ST6GALNAC3: variants seen among roughly 807,000 people sequenced by gnomAD.
ST6GALNAC3 encodes the protein ST6 N-acetylgalactosaminide alpha-2,6-sialyltransferase 3.
ST6GALNAC3 carries 25 observed loss-of-function variants against 32.7 expected under a neutral mutation model. That is an observed-to-expected ratio of 0.76 (90% CI 0.56 to 1.07). The LOEUF (loss-of-function observed/expected upper bound fraction) is 1.07, where lower values mean the gene tolerates loss of function less well. ST6GALNAC3 is among the 50% of genes least tolerant of loss of function. The pLI, the probability that ST6GALNAC3 is intolerant of heterozygous loss-of-function variation, is 0.00. For synonymous variants in ST6GALNAC3, 129 were observed against 133.1 expected (o/e 0.97, Z 0.21); for missense variants, 355 against 382.4 (o/e 0.93, Z 0.60).
At position 76,296,287 on chromosome 1, in the gene ST6GALNAC3, A is replaced by G. The variant is rs141393287; in HGVS notation, c.19-17518A>G. On this transcript the variant is annotated intron_variant, in intron 1 of 4. Transcript: ENST00000328299. Reference sequence around the variant, plus strand: ...CTTGGGAAGTGTGTGTGTCTGTGTGAAAATACATTTTTGTGCAATGAAATG... The same window carrying G: ...CTTGGGAAGTGTGTGTGTCTGTGTGGAAATACATTTTTGTGCAATGAAATG... Among the ~76,000 whole-genome samples, 508 of 152,232 alleles carry G rather than the reference A, an allele frequency of 3.3e-3. 6 individuals carry two copies. The South Asian group carries it at 0.049, about 15-fold the overall frequency.
chr1:76,151,070 C>G (rs570562970), intron 1 of ST6GALNAC3, among the ~76,000 whole-genome samples: 1 of 152,292 alleles, frequency 6.6e-6, no homozygotes, highest in East Asian at 1.9e-4. Context: ...GGCCCCTTTC[C>G]AAGAGTGAAG....
intron 1 of ST6GALNAC3, among the ~76,000 whole-genome samples, chr1:76,164,330 A>G (rs1570268686): frequency 6.6e-6 from 1 of 152,202 alleles, no homozygotes; most frequent in East Asian, 1.9e-4. Flanking sequence ...TCTTCAGGCC[A>G]GTAAAGAAAC....
At chr1:76,343,611 A>G (rs1231523855) in intron 2 of ST6GALNAC3, among the ~76,000 whole-genome samples, 1 of 152,228 alleles carries the variant, frequency 6.6e-6, no homozygotes, top group Non-Finnish European at 1.5e-5. Flanking sequence ...GCTGATGTGC[A>G]GGCAGCTTCC....
intron 1 of ST6GALNAC3, among the ~76,000 whole-genome samples, chr1:76,294,803 A>G (rs998341126): frequency 4.6e-5 from 7 of 152,244 alleles, no homozygotes; most frequent in Middle Eastern, 3.4e-3. Flanking sequence ...CATATAATTT[A>G]TGTGAAGTTA....
chr1:76,551,486 C>T (rs1161687200), intron 3 of ST6GALNAC3, among the ~76,000 whole-genome samples: 1 of 151,788 alleles, frequency 6.6e-6, no homozygotes, highest in Non-Finnish European at 1.5e-5. Flanking sequence ...TTTTTTTCAT[C>T]TTATTAATTA....
chr1:76,457,487 A>G (rs572298481), intron 3 of ST6GALNAC3, among the ~76,000 whole-genome samples: 32 of 151,084 alleles, frequency 2.1e-4, no homozygotes, highest in African/African-American at 4.4e-4. Context: ...CAAGTAACCA[A>G]CTATACTACA....
At chr1:76,331,589 C>T (rs1404033737) in intron 2 of ST6GALNAC3, among the ~76,000 whole-genome samples, 1 of 152,178 alleles carries the variant, frequency 6.6e-6, no homozygotes, top group African/African-American at 2.4e-5. Flanking sequence ...CCTCATCTGA[C>T]CAATCATTTG....
rs545878525 is a variant in ST6GALNAC3 at position 76,254,493 on chromosome 1, T to C, written c.19-59312T>C. Among the ~76,000 whole-genome samples the C allele has an allele frequency of 1.1e-4, 17 of 152,242 alleles. No homozygotes were observed. The East Asian group carries it at 1.7e-3, about 16-fold the overall frequency. ...TGGTAAGCAGTGGGCAGAGTTTACATTGGATGAAATTTCAAAAGCTGTTTT... is the reference window on the plus strand; with the variant it reads ...TGGTAAGCAGTGGGCAGAGTTTACACTGGATGAAATTTCAAAAGCTGTTTT... On this transcript the variant is annotated intron_variant, in intron 1 of 4. Coordinates refer to ENST00000328299, the MANE Select transcript of ST6GALNAC3 (RefSeq NM_152996.4).
intron 1 of ST6GALNAC3, among the ~76,000 whole-genome samples, chr1:76,112,939 G>C (rs968312317): frequency 6.6e-6 from 1 of 152,042 alleles, no homozygotes; most frequent in African/African-American, 2.4e-5. Context: ...ACGGGGTGGC[G>C]GCCGGGCAGA....
At chr1:76,359,086 A>C (rs1649723369) in intron 2 of ST6GALNAC3, among the ~76,000 whole-genome samples, 1 of 152,234 alleles carries the variant, frequency 6.6e-6, no homozygotes, top group South Asian at 2.1e-4. Flanking sequence ...GCTGCAAGAC[A>C]TGAAACAAGA....
At chr1:76,211,296 G>C (rs908085692) in intron 1 of ST6GALNAC3, among the ~76,000 whole-genome samples, 4 of 152,212 alleles carry the variant, frequency 2.6e-5, no homozygotes, top group African/African-American at 7.2e-5. Context: ...ACAGGTGCTG[G>C]AGAGGATGTG....
intron 1 of ST6GALNAC3, among the ~76,000 whole-genome samples, chr1:76,261,701 C>A (rs1279801254): frequency 1.3e-5 from 2 of 152,214 alleles, no homozygotes; most frequent in Admixed American, 1.3e-4. Context: ...AGCAGAGCAA[C>A]TGCATTGCTG....
intron 2 of ST6GALNAC3, among the ~76,000 whole-genome samples, chr1:76,366,543 A>C (rs751062285): frequency 6.6e-6 from 1 of 152,214 alleles, no homozygotes; most frequent in Non-Finnish European, 1.5e-5. Flanking sequence ...ACAAAGTTCT[A>C]AGTCCTTTTC....
At chr1:76,294,301 T>C (rs1660264729) in intron 1 of ST6GALNAC3, among the ~76,000 whole-genome samples, 1 of 152,082 alleles carries the variant, frequency 6.6e-6, no homozygotes, top group African/African-American at 2.4e-5. Flanking sequence ...AATCAATACA[T>C]TTTCAGAGTC....
At chr1:76,274,088 C>T (rs1289197387) in intron 1 of ST6GALNAC3, among the ~76,000 whole-genome samples, 1 of 152,198 alleles carries the variant, frequency 6.6e-6, no homozygotes, top group Non-Finnish European at 1.5e-5. Context: ...CCTTTCTAAT[C>T]TTTGCAAAGT....
intron 1 of ST6GALNAC3, among the ~76,000 whole-genome samples, chr1:76,133,515 C>A (rs779394938): frequency 3.3e-5 from 5 of 152,204 alleles, no homozygotes; most frequent in Non-Finnish European, 5.9e-5. Context: ...CCAAGTCATC[C>A]CAGTCTAAGG....
At chr1:76,159,260 C>G (rs1187047091) in intron 1 of ST6GALNAC3, among the ~76,000 whole-genome samples, 1 of 152,194 alleles carries the variant, frequency 6.6e-6, no homozygotes, top group Non-Finnish European at 1.5e-5. Flanking sequence ...ACGATCTTGG[C>G]TCACCACAAT....
chr1:76,468,854 A>C (rs145431592), intron 3 of ST6GALNAC3, among the ~76,000 whole-genome samples: 2 of 152,160 alleles, frequency 1.3e-5, no homozygotes, highest in East Asian at 3.9e-4. Flanking sequence ...AATACTTATG[A>C]AGTAGAGGAA....
At chr1:76,138,560 C>T (rs1650092140) in intron 1 of ST6GALNAC3, among the ~76,000 whole-genome samples, 1 of 152,202 alleles carries the variant, frequency 6.6e-6, no homozygotes. Flanking sequence ...CTCTTCCCAG[C>T]ACCTCCCTAA....
Sources: gnomAD v4.1 joint callset for allele counts (sites outside exome capture counted in the v4.1 genomes callset) on GRCh38, gnomAD v4.1.1 for gene constraint, MANE v1.5 for transcripts, NCBI Gene and HGNC (gene_info 2026-07-23, HGNC 2026-07-21) for gene names.